SPC25: variants seen among roughly 807,000 people sequenced by gnomAD.
The protein encoded by SPC25 is kinetochore protein Spc25.
SPC25 carries 22 observed loss-of-function variants against 29.6 expected under a neutral mutation model. That is an observed-to-expected ratio of 0.74 (90% CI 0.53 to 1.06). SPC25 has a LOEUF of 1.06. SPC25 is among the 50% of genes least tolerant of loss of function. The pLI is 0.00. For synonymous variants in SPC25, 91 were observed against 90.4 expected (o/e 1.01, Z -0.04); for missense variants, 230 against 255.8 (o/e 0.90, Z 0.69).
intron 3 of SPC25, among the ~76,000 whole-genome samples, chr2:168,879,275 A>T (rs1282387158): frequency 2.0e-5 from 3 of 152,226 alleles, no homozygotes; most frequent in Non-Finnish European, 4.4e-5. Context: ...CCCCTGGTAG[A>T]ACTGTTTTCA....
intron 3 of SPC25, among the ~76,000 whole-genome samples, chr2:168,880,942 A>G (rs1158082290): frequency 6.6e-6 from 1 of 152,232 alleles, no homozygotes; most frequent in Non-Finnish European, 1.5e-5. Context: ...GAGCACCACA[A>G]GAAATATAAT....
At position 168,889,525 on chromosome 2, in the gene SPC25, AGGAC is replaced by A. The variant is rs1690354685; in HGVS notation, c.-10_-7del. 2 of 1,611,650 alleles carry A rather than the reference AGGAC, an allele frequency of 1.2e-6. No homozygotes were observed. Among genetic ancestry groups the A allele is most frequent in the African/African-American group, 2.7e-5 (2 of 74,884 alleles). On this transcript the variant is annotated 5_prime_UTR_variant, in exon 2 of 7. Transcript: ENST00000282074. ...GCCAGTTCGTCCTCTACCATTATGTAGGACAATGCTAAAAACAGAATACATATTG... is the reference window on the plus strand; with the variant it reads ...GCCAGTTCGTCCTCTACCATTATGTAAATGCTAAAAACAGAATACATATTG...
chr2:168,885,508 C>T (rs1437216719), intron 3 of SPC25, among the ~76,000 whole-genome samples: 1 of 152,196 alleles, frequency 6.6e-6, no homozygotes, highest in Non-Finnish European at 1.5e-5. Context: ...AACTCTTTAT[C>T]TCCTGAAAAA....
intron 3 of SPC25, among the ~76,000 whole-genome samples, chr2:168,882,812 T>C (rs1690199266): frequency 6.6e-6 from 1 of 152,108 alleles, no homozygotes; most frequent in African/African-American, 2.4e-5. Flanking sequence ...GGCTAATAAA[T>C]ATGAAAGATA....
rs781393423 is a variant in SPC25, at chr2:168,877,387, G to GT, written c.200-4dup. Reference sequence around the variant, plus strand: ...GAGCTTATTTTGCCTGCTGATCTCTGTAAGAAGCACAAGGTATTAGCTAGA... The same window carrying GT: ...GAGCTTATTTTGCCTGCTGATCTCTGTTAAGAAGCACAAGGTATTAGCTAGA... On this transcript the variant is annotated splice_polypyrimidine_tract_variant and splice_region_variant and intron_variant, in intron 3 of 6. Coordinates refer to ENST00000282074, the MANE Select transcript of SPC25 (RefSeq NM_020675.4). 1.9e-6 allele frequency: 3 copies of GT among 1,613,330 alleles called. No individual in the cohort carries two copies. The South Asian group carries it at 3.3e-5, about 18-fold the overall frequency.
intron 3 of SPC25, among the ~76,000 whole-genome samples, chr2:168,888,955 GTGTATATATA>G (rs1443548852): frequency 3.4e-5 from 2 of 59,320 alleles, no homozygotes. Context: ...GTGTGTGTGT[GTGTATATATA>G]TATATATACA....
chr2:168,888,823 C>T (rs1194568234), intron 3 of SPC25, among the ~76,000 whole-genome samples: 1 of 146,190 alleles, frequency 6.8e-6, no homozygotes, highest in African/African-American at 2.5e-5. Context: ...GACAGGGTTT[C>T]ACCATGTTGC....
intron 3 of SPC25, among the ~76,000 whole-genome samples, chr2:168,888,924 CGTGT>C (rs375198489): frequency 0.024 from 2,134 of 87,390 alleles, 66 homozygotes; most frequent in Middle Eastern, 0.038. Context: ...ACTACATGTA[CGTGT>C]GTGTGTGTGT....
downstream of SPC25, among the ~76,000 whole-genome samples, chr2:168,869,205 C>T (rs1447315503): frequency 6.6e-6 from 1 of 152,004 alleles, no homozygotes; most frequent in Non-Finnish European, 1.5e-5. Flanking sequence ...TGGGATGTAT[C>T]TCAAAATAAT....
intron 4 of SPC25, chr2:168,863,527 T>C: frequency 1.0e-6 from 1 of 985,372 alleles, no homozygotes; most frequent in African/African-American, 1.7e-5. Context: ...CCATGTTTCT[T>C]GTCCAATTCT....
At position 168,871,559 on chromosome 2, in the gene SPC25, GAAAAAA is replaced by G; in HGVS notation, c.551-10_551-5del. 1 of 1,347,608 alleles carries G rather than the reference GAAAAAA, an allele frequency of 7.4e-7. No individual in the cohort carries two copies. The highest frequency in any genetic ancestry group is 9.9e-7 in the Non-Finnish European group (1 of 1,009,246). 83.5% of individuals were successfully genotyped at this position (1,347,608 alleles called of 1,614,324 possible). ...AGATGAGGGGCACTATCTGACACTA[GAAAAAA>G]AAAAAAAAGAAATCAAAGACAATTA... On this transcript the variant is annotated splice_polypyrimidine_tract_variant and splice_region_variant and intron_variant, in intron 6 of 6. Coordinates refer to ENST00000282074, the MANE Select transcript of SPC25 (RefSeq NM_020675.4).
intron 6 of SPC25, among the ~76,000 whole-genome samples, chr2:168,871,810 C>T (rs575020075): frequency 1.3e-5 from 2 of 152,000 alleles, no homozygotes; most frequent in Non-Finnish European, 2.9e-5. Flanking sequence ...ACTGAAGGAT[C>T]GAAGAGTTTA....
rs1385077170 is a variant in SPC25, at chr2:168,877,392, A to C, written c.200-8T>G. The C allele has an allele frequency of 6.2e-7, 1 of 1,613,528 alleles. No individual in the cohort carries two copies. Among genetic ancestry groups the C allele is most frequent in the Non-Finnish European group, 8.5e-7 (1 of 1,179,736 alleles). ...TATTTTGCCTGCTGATCTCTGTAAG[A>C]AGCACAAGGTATTAGCTAGAATATG... On this transcript the variant is annotated splice_region_variant and splice_polypyrimidine_tract_variant and intron_variant, in intron 3 of 6. Transcript: ENST00000282074.
At chr2:168,865,025 T>TGGC in intron 4 of SPC25, 1 of 1,576,654 alleles carries the variant, frequency 6.3e-7, no homozygotes, top group Non-Finnish European at 8.6e-7. Flanking sequence ...TACAGTGTGG[T>TGGC]TCAAATAAGA....
At chr2:168,866,917 A>G (rs1689868487), downstream of SPC25, among the ~76,000 whole-genome samples, 1 of 152,208 alleles carries the variant, frequency 6.6e-6, no homozygotes, top group Non-Finnish European at 1.5e-5. Flanking sequence ...TCAAAACCAC[A>G]ATGAGATACC....
chr2:168,879,227 A>G (rs554294448), intron 3 of SPC25, among the ~76,000 whole-genome samples: 86 of 152,266 alleles, frequency 5.6e-4, no homozygotes, highest in Non-Finnish European at 1.1e-3. Context: ...TTCATGAAAG[A>G]TTTCTCTGCA....
chr2:168,876,233 ACT>A, intron 4 of SPC25, 57 bp from the exon 5 acceptor site: 1 of 1,184,078 alleles, frequency 8.4e-7, no homozygotes, highest in Non-Finnish European at 1.2e-6. Context: ...ATTAATGCTC[ACT>A]GAGTTAATTT....
intron 3 of SPC25, among the ~76,000 whole-genome samples, chr2:168,886,847 T>C (rs1216639405): frequency 6.6e-6 from 1 of 152,090 alleles, no homozygotes; most frequent in Non-Finnish European, 1.5e-5. Context: ...AAAAGAAAAA[T>C]ATTGATAATG....
downstream of SPC25, among the ~76,000 whole-genome samples, chr2:168,867,837 C>T (rs1305714149): frequency 1.3e-5 from 2 of 152,336 alleles, no homozygotes; most frequent in Admixed American, 6.5e-5. Context: ...TTGAACTCAG[C>T]TCTGCACCAA....
Sources: gnomAD v4.1 joint callset for allele counts (sites outside exome capture counted in the v4.1 genomes callset) on GRCh38, gnomAD v4.1.1 for gene constraint, MANE v1.5 for transcripts, NCBI Gene and HGNC (gene_info 2026-07-23, HGNC 2026-07-21) for gene names.